Variants in YLPM1 observed in about 807,000 individuals in gnomAD.
The protein encoded by YLPM1 is YLP motif-containing protein 1.
YLPM1 carries 99 observed loss-of-function variants against 230.0 expected under a neutral mutation model. The ratio of observed to expected loss-of-function variants is 0.43; its 90% CI spans 0.37 to 0.51. YLPM1 has a LOEUF of 0.51. YLPM1 is among the 20% of genes least tolerant of loss of function. The pLI, the probability that YLPM1 is intolerant of heterozygous loss-of-function variation, is 0.00. For synonymous variants in YLPM1, 984 were observed against 942.5 expected, an observed-to-expected ratio of 1.04 and a Z score of -0.81; for missense variants, 2,592 against 2,707.7, an observed-to-expected ratio of 0.96 and a Z score of 0.95.
At chr14:74,823,538 T>C (rs901363545) in intron 17 of YLPM1, among the ~76,000 whole-genome samples, 1 of 152,108 alleles carries the variant, frequency 6.6e-6, no homozygotes, top group African/African-American at 2.4e-5. Context: ...TTATGAAATA[T>C]AAGATGTAAG....
intron 4 of YLPM1, among the ~76,000 whole-genome samples, chr14:74,794,251 C>G (rs1465641413): frequency 6.6e-6 from 1 of 152,082 alleles, no homozygotes; most frequent in Non-Finnish European, 1.5e-5. Flanking sequence ...GGCACCACCT[C>G]AGGCTCACTG....
At chr14:74,824,982 A>AT (rs1318098820) in intron 18 of YLPM1, among the ~76,000 whole-genome samples, 3 of 152,098 alleles carry the variant, frequency 2.0e-5, no homozygotes, top group African/African-American at 7.2e-5. Flanking sequence ...ACTGCAAAAT[A>AT]TTTTTTCAGT....
In YLPM1 at chr14:74,781,815, T is replaced by C; in HGVS notation, c.1772T>C (p.Leu591Pro). The C allele has an allele frequency of 1.2e-6, 2 of 1,608,998 alleles. No individual in the cohort carries two copies. Among genetic ancestry groups the C allele is most frequent in the Non-Finnish European group, 1.7e-6 (2 of 1,178,336 alleles). ...TCTTCTGCAGGGCCACCACCAGTTC[T>C]CCCCCCACCTTCCCTGTCTTCTGCA... Reference protein sequence around the residue: ...SLSSAGPPPVLPPPSLSSAGP... With the variant: ...SLSSAGPPPVPPPPSLSSAGP... Residue 591 changes from leucine to proline, a missense_variant, in exon 4 of 21, where the codon CTC (leucine) becomes CCC (proline). By Grantham distance (98) the Leu-to-Pro change is moderately conservative (BLOSUM62 -3). Coordinates refer to ENST00000325680, the MANE Select transcript of YLPM1 (RefSeq NM_019589.3).
At chr14:74,804,691 A>G (rs986560211) in intron 6 of YLPM1, among the ~76,000 whole-genome samples, 7 of 152,134 alleles carry the variant, frequency 4.6e-5, no homozygotes, top group African/African-American at 1.7e-4. Context: ...CTTTGTTGTC[A>G]TCTTTATTAT....
intron 1 of YLPM1, among the ~76,000 whole-genome samples, chr14:74,766,764 A>G (rs1445925993): frequency 6.6e-6 from 1 of 150,384 alleles, no homozygotes; most frequent in Non-Finnish European, 1.5e-5. Context: ...GGCATGAACC[A>G]CCACACCTGG....
intron 6 of YLPM1, among the ~76,000 whole-genome samples, chr14:74,803,124 A>T (rs906646875): frequency 6.6e-6 from 1 of 151,458 alleles, no homozygotes; most frequent in Non-Finnish European, 1.5e-5. Flanking sequence ...CCTGTTTTCC[A>T]TCTAGGCAGG....
chr14:74,790,243 T>G (rs921846850), intron 4 of YLPM1, among the ~76,000 whole-genome samples: 1 of 152,174 alleles, frequency 6.6e-6, no homozygotes, highest in African/African-American at 2.4e-5. Context: ...GGACTGTGAG[T>G]GCTATAGGTT....
Position 74,835,780 on chromosome 14 carries a change from T to TCGCTTTGAGGTGGTC in YLPM1, c.*43_*57dup, listed in dbSNP as rs2091638915. 6 of 440,832 alleles carry TCGCTTTGAGGTGGTC rather than the reference T, an allele frequency of 1.4e-5. 1 individual carries two copies. Among genetic ancestry groups the TCGCTTTGAGGTGGTC allele is most frequent in the South Asian group, 3.3e-5 (2 of 60,792 alleles). The allele number at this position is 440,832 out of a possible 1,614,324, so 27.3% of individuals were successfully genotyped here. On this transcript the variant is annotated 3_prime_UTR_variant, in exon 21 of 21. Coordinates refer to ENST00000325680, the MANE Select transcript of YLPM1 (RefSeq NM_019589.3). ...GCCTTTTCTTTTCTTTCCAGGTGGTTCGCTTTGAGGTGGTCTGAAGCCAAG... is the reference window on the plus strand; with the variant it reads ...GCCTTTTCTTTTCTTTCCAGGTGGTTCGCTTTGAGGTGGTCCGCTTTGAGGTGGTCTGAAGCCAAG...
At chr14:74,802,811 A>G in intron 6 of YLPM1, 135 bp downstream of exon 6, 2 of 1,139,808 alleles carry the variant, frequency 1.8e-6, no homozygotes, top group South Asian at 3.9e-5. Flanking sequence ...TTAAAAGTTT[A>G]TGGTAATTGA....
rs773960933 is a variant in YLPM1, at chr14:74,780,514, A to G, written c.1220A>G (p.Gln407Arg). 1.2e-6 allele frequency: 2 copies of G among 1,613,926 alleles called. No homozygotes were observed. The highest frequency in any genetic ancestry group is 1.7e-5 in the Admixed American group (1 of 60,000). ...RVGFQYQGIMQKHTQLQQILQ... is the reference protein window; with the variant it reads ...RVGFQYQGIMRKHTQLQQILQ... ...GGTTTCCAGTATCAGGGAATAATGCAGAAGCACACTCAGTTACAGCAGATT... is the reference window on the plus strand; with the variant it reads ...GGTTTCCAGTATCAGGGAATAATGCGGAAGCACACTCAGTTACAGCAGATT... Residue 407 changes from glutamine (Q) to arginine (R), a missense_variant, in exon 3 of 21, where the codon CAG (glutamine) becomes CGG (arginine). By Grantham distance (43) the Gln-to-Arg change is conservative. Transcript: ENST00000325680.
Position 74,780,501 on chromosome 14 carries a change from CAG to C in YLPM1, c.1208_1209del (p.Gln403ArgfsTer39). 6.2e-7 allele frequency: 1 copy of C among 1,613,954 alleles called. No homozygotes were observed. The highest frequency in any genetic ancestry group is 8.5e-7 in the Non-Finnish European group (1 of 1,179,888). On this transcript the variant is annotated frameshift_variant, in exon 3 of 21. Transcript: ENST00000325680. LOFTEE classifies it high-confidence loss of function. ...GCAGCATCGAGTCGGTTTCCAGTAT[CAG>C]GGAATAATGCAGAAGCACACTCAGT... ...HQQHRVGFQY[Q>X]GIMQKHTQLQ...
At chr14:74,772,455 T>C (rs2090987293) in intron 1 of YLPM1, among the ~76,000 whole-genome samples, 1 of 151,098 alleles carries the variant, frequency 6.6e-6, no homozygotes, top group African/African-American at 2.4e-5. Flanking sequence ...GCCTCCCAGG[T>C]TCAAGCGATT....
intron 18 of YLPM1, among the ~76,000 whole-genome samples, chr14:74,825,809 T>A (rs1432066168): frequency 2.6e-5 from 4 of 152,142 alleles, no homozygotes; most frequent in African/African-American, 9.7e-5. Flanking sequence ...TAATACATGA[T>A]CTGGGGTAAT....
At chr14:74,774,505 A>G (rs1419848117) in intron 1 of YLPM1, among the ~76,000 whole-genome samples, 3 of 146,370 alleles carry the variant, frequency 2.0e-5, no homozygotes, top group South Asian at 2.2e-4. Context: ...TCCTGGGTTC[A>G]TGCCATTCTC....
intron 6 of YLPM1, among the ~76,000 whole-genome samples, chr14:74,808,592 C>G (rs1406669763): frequency 6.6e-6 from 1 of 152,006 alleles, no homozygotes; most frequent in African/African-American, 2.4e-5. Flanking sequence ...CGCCTGAGGT[C>G]AGGAGTTCGA....
At chr14:74,793,270 C>T (rs2140102963) in intron 4 of YLPM1, among the ~76,000 whole-genome samples, 1 of 151,928 alleles carries the variant, frequency 6.6e-6, no homozygotes, top group East Asian at 1.9e-4. Context: ...CATTTTTTTT[C>T]TCTCGTTTTC....
At chr14:74,769,862 C>CG (rs1356686925) in intron 1 of YLPM1, among the ~76,000 whole-genome samples, 1 of 94,946 alleles carries the variant, frequency 1.1e-5, no homozygotes, top group Non-Finnish European at 2.2e-5. Flanking sequence ...CCCCCCCCCC[C>CG]GCCCCCCGCC....
At chr14:74,769,476 G>C (rs1386274480) in intron 1 of YLPM1, among the ~76,000 whole-genome samples, 1 of 151,748 alleles carries the variant, frequency 6.6e-6, no homozygotes, top group East Asian at 1.9e-4. Context: ...TAGTAGAGAC[G>C]AGGTTTCACC....
intron 6 of YLPM1, among the ~76,000 whole-genome samples, chr14:74,807,042 T>C (rs1174137055): frequency 6.6e-6 from 1 of 152,194 alleles, no homozygotes; most frequent in Non-Finnish European, 1.5e-5. Flanking sequence ...CTTGACAAAG[T>C]TTACCATGCC....
Sources: allele counts gnomAD v4.1 joint callset (sites outside exome capture counted in the v4.1 genomes callset), GRCh38; gene constraint gnomAD v4.1.1; transcripts MANE v1.5; gene names NCBI Gene and HGNC (gene_info 2026-07-23, HGNC 2026-07-21).